GNA12: variants seen among roughly 807,000 people sequenced by gnomAD.
GNA12 encodes the protein G protein subunit alpha 12, also known as guanine nucleotide-binding protein subunit alpha-12.
GNA12 carries 9 observed loss-of-function variants against 26.0 expected under a neutral mutation model. The observed-to-expected ratio is 0.35, with a 90% CI of 0.21 to 0.60. GNA12 has a LOEUF of 0.60. Among genes scored for constraint, GNA12 ranks in the 20% least tolerant of loss-of-function variants. The pLI is 0.78. For missense variants in GNA12, 405 were observed against 525.8 expected (o/e 0.77, Z 2.25); for synonymous variants, 264 against 219.6 (o/e 1.20, Z -1.79).
At position 2,811,237 on chromosome 7, in the gene GNA12, T is replaced by C. The variant is rs180857445; in HGVS notation, c.310-16094A>G. The stretch of plus-strand genomic sequence containing the variant: ...GCCTAACCTGGGTGGGGCTGACTTC[T>C]GTGCACAACATCTACACCTGGCCCT... On this transcript the variant is annotated intron_variant, in intron 1 of 3. Transcript: ENST00000275364. 6.3e-3 allele frequency among the ~76,000 whole-genome samples: 952 copies of C among 151,546 alleles called. 5 individuals carry two copies. Among genetic ancestry groups the C allele is most frequent in the Middle Eastern group, 0.031 (9 of 294 alleles).
In GNA12 at chr7:2,730,785, G is replaced by C. The variant is rs1279871940; in HGVS notation, c.*396C>G. The C allele has an allele frequency of 5.9e-6, 1 of 169,412 alleles. No homozygotes were observed. The highest frequency in any genetic ancestry group is 1.3e-5 in the Non-Finnish European group (1 of 78,484). 10.5% of individuals were successfully genotyped at this position (169,412 alleles called of 1,614,324 possible). ...TGTGAGTTAGAAAAGCCGTCTGCAA[G>C]GCCAGCTGGTTTTTGTGTTTCTGTC... On this transcript the variant is annotated 3_prime_UTR_variant, in exon 4 of 4. Transcript: ENST00000275364.
chr7:2,818,957 G>A (rs1348507899), intron 1 of GNA12, among the ~76,000 whole-genome samples: 2 of 152,178 alleles, frequency 1.3e-5, no homozygotes, highest in African/African-American at 4.8e-5. Flanking sequence ...AGATGGCCGG[G>A]GGTATTCATC....
At position 2,767,990 on chromosome 7, in the gene GNA12, G is replaced by A. The variant is rs567759183; in HGVS notation, c.525+26938C>T. On this transcript the variant is annotated intron_variant, in intron 2 of 3. Coordinates refer to ENST00000275364, the MANE Select transcript of GNA12 (RefSeq NM_007353.3). ...CTGTCTCAGCCTCTTGTGTAGCTGG[G>A]ACTACGGGCACATGCCACCATGCCT... 5.1e-4 allele frequency among the ~76,000 whole-genome samples: 78 copies of A among 152,312 alleles called. 1 individual carries two copies. Among genetic ancestry groups the A allele is most frequent in the African/African-American group, 1.4e-3 (60 of 41,570 alleles).
intron 2 of GNA12, among the ~76,000 whole-genome samples, chr7:2,782,836 CTTTT>C (rs1182239749): frequency 1.3e-5 from 2 of 152,218 alleles, no homozygotes; most frequent in South Asian, 2.1e-4. Context: ...TATATTCTCC[CTTTT>C]TGTCTCTCAG....
chr7:2,833,541 C>G, intron 1 of GNA12, among the ~76,000 whole-genome samples: 1 of 152,298 alleles, frequency 6.6e-6, no homozygotes, highest in East Asian at 1.9e-4. Context: ...AGCCAGGGGA[C>G]AAGACCAATC....
chr7:2,735,437 C>T (rs997791913), intron 2 of GNA12, among the ~76,000 whole-genome samples: 8 of 150,300 alleles, frequency 5.3e-5, no homozygotes, highest in African/African-American at 2.0e-4. Flanking sequence ...CTTATCACCA[C>T]AGGACACAAA....
At chr7:2,767,190 C>CT (rs1791829441) in intron 2 of GNA12, among the ~76,000 whole-genome samples, 1 of 152,128 alleles carries the variant, frequency 6.6e-6, no homozygotes, top group South Asian at 2.1e-4. Context: ...TATAGGCTGC[C>CT]TTCTCACTCT....
At chr7:2,781,317 T>C (rs1792221641) in intron 2 of GNA12, among the ~76,000 whole-genome samples, 1 of 152,156 alleles carries the variant, frequency 6.6e-6, no homozygotes, top group South Asian at 2.1e-4. Flanking sequence ...CTCTCATATA[T>C]ATGTGTATAT....
intron 1 of GNA12, among the ~76,000 whole-genome samples, chr7:2,839,766 C>T (rs183185165): frequency 5.9e-5 from 9 of 152,090 alleles, no homozygotes; most frequent in South Asian, 2.1e-4. Context: ...TTTGGGAGGC[C>T]GAGGCGGGTG....
chr7:2,816,798 G>A (rs1294634364), intron 1 of GNA12, among the ~76,000 whole-genome samples: 1 of 152,090 alleles, frequency 6.6e-6, no homozygotes, highest in East Asian at 1.9e-4. Flanking sequence ...CTTAAGAGCG[G>A]CCAGGAGACA....
chr7:2,802,642 G>C (rs960503671), intron 1 of GNA12, among the ~76,000 whole-genome samples: 2 of 152,124 alleles, frequency 1.3e-5, no homozygotes, highest in African/African-American at 4.8e-5. Flanking sequence ...TGAAGATTCT[G>C]GATGTTCACT....
At chr7:2,738,191 A>C (rs798518) in intron 2 of GNA12, among the ~76,000 whole-genome samples, 1 of 151,944 alleles carries the variant, frequency 6.6e-6, no homozygotes, top group African/African-American at 2.4e-5. Context: ...AGGCCGAGGC[A>C]ATCACTTGAG....
chr7:2,752,257 C>A (rs143708369), intron 2 of GNA12, among the ~76,000 whole-genome samples: 2 of 151,984 alleles, frequency 1.3e-5, no homozygotes, highest in Non-Finnish European at 2.9e-5. Context: ...AAAAAAAAGT[C>A]CTCTCTCACC....
At chr7:2,756,575 A>G (rs1791307357) in intron 2 of GNA12, among the ~76,000 whole-genome samples, 2 of 152,020 alleles carry the variant, frequency 1.3e-5, no homozygotes, top group Non-Finnish European at 2.9e-5. Flanking sequence ...CAATCGTGCC[A>G]CTGCACTACA....
chr7:2,781,234 T>G (rs1792219486), intron 2 of GNA12, among the ~76,000 whole-genome samples: 1 of 152,228 alleles, frequency 6.6e-6, no homozygotes, highest in African/African-American at 2.4e-5. Context: ...AGTCAAATTA[T>G]TAATCTTTTC....
chr7:2,746,989 T>A (rs940465481), intron 2 of GNA12, among the ~76,000 whole-genome samples: 9 of 149,048 alleles, frequency 6.0e-5, no homozygotes, highest in Non-Finnish European at 1.3e-4. Context: ...AATCTCTGAA[T>A]AGACCAATAA....
chr7:2,813,719 T>C (rs1463566083), intron 1 of GNA12, among the ~76,000 whole-genome samples: 3 of 152,226 alleles, frequency 2.0e-5, no homozygotes, highest in Non-Finnish European at 4.4e-5. Context: ...TTAGGAGATC[T>C]GGGAATCTGG....
intron 1 of GNA12, among the ~76,000 whole-genome samples, chr7:2,799,137 T>C (rs1792748759): frequency 1.3e-5 from 2 of 152,144 alleles, no homozygotes; most frequent in Non-Finnish European, 2.9e-5. Flanking sequence ...ATCAATAAAT[T>C]GAACTTGATG....
Position 2,844,102 on chromosome 7 carries a change from G to A in GNA12, c.60C>T (p.Ala20=), listed in dbSNP as rs1405789244. The change falls in exon 1 of 4, where the codon GCC becomes GCT. Residue 20 remains alanine, a synonymous_variant. Coordinates refer to ENST00000275364, the MANE Select transcript of GNA12 (RefSeq NM_007353.3). ...RCLLPAEAGG[A]RERRAGSGAR... ...CGCCGCTGCCCGCCCTGCGCTCGCG[G>A]GCCCCGCCGGCCTCGGCCGGCAGCA... The A allele has an allele frequency of 1.0e-6, 1 of 996,668 alleles. No individual in the cohort carries two copies. Among genetic ancestry groups the A allele is most frequent in the African/African-American group, 1.8e-5 (1 of 56,800 alleles). 61.7% of individuals were successfully genotyped at this position (996,668 alleles called of 1,614,324 possible). A position where few individuals can be genotyped will look rare whatever the true frequency, so the allele number is the denominator to read the frequency against.
Sources: gnomAD v4.1 joint callset for allele counts (sites outside exome capture counted in the v4.1 genomes callset) on GRCh38, gnomAD v4.1.1 for gene constraint, MANE v1.5 for transcripts, NCBI Gene and HGNC (gene_info 2026-07-23, HGNC 2026-07-21) for gene names.